Variants in PTPRD observed in about 807,000 individuals in gnomAD.
PTPRD encodes receptor-type tyrosine-protein phosphatase delta.
PTPRD carries 34 observed loss-of-function variants against 214.5 expected under a neutral mutation model. The ratio of observed to expected loss-of-function variants is 0.16; its 90% confidence interval spans 0.12 to 0.21. The LOEUF (loss-of-function observed/expected upper bound fraction) is 0.21. PTPRD is among the 10% of genes least tolerant of loss of function. PTPRD has a pLI of 1.00. For synonymous variants in PTPRD, 1,128 were observed against 845.7 expected (o/e 1.33, Z -5.79); for missense variants, 2,545 against 2,398.7 (o/e 1.06, Z -1.27).
chr9:8,811,099 G>A (rs2096793055), intron 11 of PTPRD, among the ~76,000 whole-genome samples: 1 of 152,126 alleles, frequency 6.6e-6, no homozygotes, highest in Non-Finnish European at 1.5e-5. Context: ...AAGGGGATCT[G>A]ACTTACGGCA....
At chr9:8,655,320 T>C (rs1004862471) in intron 12 of PTPRD, among the ~76,000 whole-genome samples, 2 of 152,192 alleles carry the variant, frequency 1.3e-5, no homozygotes, top group African/African-American at 2.4e-5. Flanking sequence ...TAATTGTAAG[T>C]AGAATTCATA....
At chr9:8,372,574 A>T (rs1229233209) in intron 39 of PTPRD, among the ~76,000 whole-genome samples, 1 of 151,962 alleles carries the variant, frequency 6.6e-6, no homozygotes. Flanking sequence ...GTGTACTCTC[A>T]ATGTTGAGAT....
At chr9:8,757,531 G>A (rs2094094645) in intron 11 of PTPRD, among the ~76,000 whole-genome samples, 1 of 151,610 alleles carries the variant, frequency 6.6e-6, no homozygotes, top group Non-Finnish European at 1.5e-5. Context: ...AACACCGGCT[G>A]AGTATCCCAG....
chr9:10,350,152 T>G (rs1402034709), intron 2 of PTPRD, among the ~76,000 whole-genome samples: 1 of 152,162 alleles, frequency 6.6e-6, no homozygotes, highest in Non-Finnish European at 1.5e-5. Context: ...ACATGTTTTT[T>G]TTTCTTCTCA....
chr9:8,997,062 C>G (rs780272956), intron 11 of PTPRD, among the ~76,000 whole-genome samples: 1 of 152,034 alleles, frequency 6.6e-6, no homozygotes, highest in Non-Finnish European at 1.5e-5. Flanking sequence ...GCACTAGAGT[C>G]TCATTTCTTT....
chr9:9,935,114 TATC>T (rs2088663304), intron 5 of PTPRD, among the ~76,000 whole-genome samples: 1 of 152,032 alleles, frequency 6.6e-6, no homozygotes, highest in Non-Finnish European at 1.5e-5. Flanking sequence ...CCACAGCCAA[TATC>T]ATACTGAATG....
chr9:10,179,108 A>C (rs1037538267), intron 3 of PTPRD, among the ~76,000 whole-genome samples: 1 of 152,014 alleles, frequency 6.6e-6, no homozygotes, highest in African/African-American at 2.4e-5. Context: ...CATAATTTTC[A>C]AAAAGCAAAA....
At chr9:9,362,004 T>G (rs777442233) in intron 9 of PTPRD, among the ~76,000 whole-genome samples, 1 of 151,044 alleles carries the variant, frequency 6.6e-6, no homozygotes, top group Non-Finnish European at 1.5e-5. Context: ...TTAGTCATTC[T>G]TGAGTCCAAT....
At chr9:10,006,946 G>C (rs2211515) in intron 4 of PTPRD, among the ~76,000 whole-genome samples, 2 of 151,696 alleles carry the variant, frequency 1.3e-5, no homozygotes, top group Non-Finnish European at 2.9e-5. Flanking sequence ...TAATAATAAT[G>C]TTATTGCTGG....
chr9:10,202,671 G>GAGATATATATATAT lies in PTPRD; in HGVS notation c.-545+138291_-545+138292insATATATATATATCT, dbSNP rs376695815. On this transcript the variant is annotated intron_variant, in intron 3 of 45. Coordinates refer to ENST00000381196, the MANE Select transcript of PTPRD (RefSeq NM_002839.4). ...GATGCCTACTTATAAAAATTATATG[G>GAGATATATATATAT]ATATATATATATATATATATATATA... 5.4e-3 allele frequency among the ~76,000 whole-genome samples: 615 copies of GAGATATATATATAT among 113,086 alleles called. 19 individuals carry two copies. The highest frequency in any genetic ancestry group is 0.02 in the African/African-American group (574 of 28,162). The allele number at this position is 113,086 out of a possible 152,430, so 74.2% of individuals were successfully genotyped here.
At chr9:9,741,887 G>C (rs2098407148) in intron 6 of PTPRD, among the ~76,000 whole-genome samples, 1 of 152,130 alleles carries the variant, frequency 6.6e-6, no homozygotes, top group Non-Finnish European at 1.5e-5. Context: ...CCAAGTCTTT[G>C]CTATCGTGAA....
chr9:9,765,447 G>A (rs544566234), intron 6 of PTPRD, among the ~76,000 whole-genome samples: 1 of 152,160 alleles, frequency 6.6e-6, no homozygotes, highest in East Asian at 1.9e-4. Context: ...TTATTTCAAT[G>A]TAAAATTACT....
chr9:8,526,987 G>C (rs959696229), intron 16 of PTPRD, among the ~76,000 whole-genome samples: 1 of 151,468 alleles, frequency 6.6e-6, no homozygotes, highest in African/African-American at 2.4e-5. Flanking sequence ...TATTTTTAAA[G>C]ACATAGTTTA....
intron 14 of PTPRD, among the ~76,000 whole-genome samples, chr9:8,595,039 A>G (rs1407663454): frequency 4.0e-5 from 6 of 150,942 alleles, no homozygotes; most frequent in Admixed American, 4.0e-4. Flanking sequence ...ATTTTTTTGT[A>G]TTTTTAGTAG....
chr9:9,824,168 G>A (rs2051831494), intron 5 of PTPRD, among the ~76,000 whole-genome samples: 1 of 137,710 alleles, frequency 7.3e-6, no homozygotes, highest in Non-Finnish European at 1.5e-5. Flanking sequence ...ATCTCATTAT[G>A]TATTTGCAAG....
In PTPRD at chr9:9,813,783, T is replaced by C. The variant is rs73398620; in HGVS notation, c.-367-46932A>G. Among the ~76,000 whole-genome samples, 237 of 152,198 alleles carry C rather than the reference T, an allele frequency of 1.6e-3. 2 individuals are homozygous for C. Among genetic ancestry groups the C allele is most frequent in the African/African-American group, 5.5e-3 (229 of 41,562 alleles). On this transcript the variant is annotated intron_variant, in intron 5 of 45. Transcript: ENST00000381196. ...TTTTAAAAGGTCAGAATTACCCTCA[T>C]ACCAAACCCAGATAAAGATGCGAAA... is the stretch of plus-strand genomic sequence containing the variant.
chr9:9,018,897 T>C (rs1249436472), intron 10 of PTPRD, among the ~76,000 whole-genome samples, 162 bp from the exon 11 acceptor site: 5 of 152,294 alleles, frequency 3.3e-5, no homozygotes, highest in African/African-American at 1.2e-4. Flanking sequence ...TTCACACTTA[T>C]TGTTGTAAAA....
At chr9:9,789,041 T>C (rs2098947759) in intron 5 of PTPRD, among the ~76,000 whole-genome samples, 1 of 152,202 alleles carries the variant, frequency 6.6e-6, no homozygotes, top group Non-Finnish European at 1.5e-5. Flanking sequence ...CCTGACACAT[T>C]ATACATGTTT....
At chr9:9,114,591 T>C (rs1591840747) in intron 10 of PTPRD, among the ~76,000 whole-genome samples, 2 of 152,248 alleles carry the variant, frequency 1.3e-5, no homozygotes, top group South Asian at 2.1e-4. Context: ...CAATCTCTTA[T>C]TCATTCCTGG....
Sources: gnomAD v4.1 joint callset for allele counts (sites outside exome capture counted in the v4.1 genomes callset) on GRCh38, gnomAD v4.1.1 for gene constraint, MANE v1.5 for transcripts, NCBI Gene and HGNC (gene_info 2026-07-23, HGNC 2026-07-21) for gene names.